TOX: variants seen among roughly 807,000 people sequenced by gnomAD.
The protein encoded by TOX is thymocyte selection associated high mobility group box.
TOX carries 11 observed loss-of-function variants against 53.7 expected under a neutral mutation model. The observed-to-expected ratio is 0.20, with a 90% CI of 0.13 to 0.34. The LOEUF is 0.34. Among genes scored for constraint, TOX ranks in the 10% least tolerant of loss-of-function variants. TOX has a pLI of 1.00. For synonymous variants in TOX, 225 were observed against 245.3 expected (o/e 0.92, Z 0.77); for missense variants, 570 against 664.6 (o/e 0.86, Z 1.56).
chr8:59,009,168 C>T (rs918199035), intron 1 of TOX, among the ~76,000 whole-genome samples: 4 of 146,698 alleles, frequency 2.7e-5, no homozygotes, highest in African/African-American at 1.0e-4. Context: ...TCCTTTATTC[C>T]TTCATCTCTC....
At chr8:59,098,123 A>G (rs759390332) in intron 1 of TOX, among the ~76,000 whole-genome samples, 1 of 152,198 alleles carries the variant, frequency 6.6e-6, no homozygotes, top group Non-Finnish European at 1.5e-5. Context: ...ACCTACAGGA[A>G]CAGCCAAAAA....
intron 3 of TOX, among the ~76,000 whole-genome samples, chr8:58,907,247 T>C (rs1039776321): frequency 1.3e-5 from 2 of 152,200 alleles, no homozygotes; most frequent in African/African-American, 4.8e-5. Flanking sequence ...ATCAAATGTG[T>C]CTTGTCCTTT....
intron 1 of TOX, among the ~76,000 whole-genome samples, chr8:58,978,642 G>A (rs1175346054): frequency 6.6e-6 from 1 of 152,140 alleles, no homozygotes; most frequent in Non-Finnish European, 1.5e-5. Flanking sequence ...AATGTACAGA[G>A]TTCCCATATA....
chr8:59,066,718 C>T (rs1342155802), intron 1 of TOX, among the ~76,000 whole-genome samples: 1 of 152,146 alleles, frequency 6.6e-6, no homozygotes, highest in Non-Finnish European at 1.5e-5. Flanking sequence ...AGTATGAAGG[C>T]CATTTAAACT....
chr8:58,974,410 G>C (rs1346547315), intron 1 of TOX, among the ~76,000 whole-genome samples: 2 of 152,156 alleles, frequency 1.3e-5, no homozygotes, highest in East Asian at 1.9e-4. Flanking sequence ...TTTCACTTAG[G>C]AATAAAGACA....
intron 3 of TOX, among the ~76,000 whole-genome samples, chr8:58,932,383 T>C (rs1374503365): frequency 1.3e-5 from 2 of 152,168 alleles, no homozygotes; most frequent in African/African-American, 4.8e-5. Flanking sequence ...GTGGCAAAAT[T>C]ATTTTTTATG....
intron 1 of TOX, among the ~76,000 whole-genome samples, chr8:58,981,194 C>A (rs192747114): frequency 1.3e-5 from 2 of 152,256 alleles, no homozygotes; most frequent in Admixed American, 1.3e-4. Flanking sequence ...AAATTTCTGG[C>A]TCTGATTAGA....
chr8:59,000,376 A>G lies in TOX; in HGVS notation c.103-40368T>C, dbSNP rs1042739197. Among the ~76,000 whole-genome samples the G allele has an allele frequency of 3.3e-5, 5 of 152,226 alleles. No individual in the cohort carries two copies. In the East Asian group the frequency reaches 9.6e-4, roughly 29 times the overall value. ...GACACTATGGGAATACCCAGTATAT[A>G]TAAAAGAGGTGCTAGAGGCTAGATG... is the stretch of plus-strand genomic sequence containing the variant. On this transcript the variant is annotated intron_variant, in intron 1 of 8. Transcript: ENST00000361421.
chr8:59,062,647 T>C (rs1015307108), intron 1 of TOX, among the ~76,000 whole-genome samples: 1 of 152,190 alleles, frequency 6.6e-6, no homozygotes, highest in Non-Finnish European at 1.5e-5. Context: ...TCTATAGTTG[T>C]TCCCAGTGAC....
intron 2 of TOX, among the ~76,000 whole-genome samples, chr8:58,946,770 C>T (rs982512941): frequency 6.6e-6 from 1 of 152,126 alleles, no homozygotes; most frequent in Non-Finnish European, 1.5e-5. Context: ...GAAGCATTGT[C>T]ATATACCTAC....
intron 3 of TOX, among the ~76,000 whole-genome samples, chr8:58,862,709 T>C (rs1811031762): frequency 6.6e-6 from 1 of 152,126 alleles, no homozygotes; most frequent in Admixed American, 6.6e-5. Context: ...TTTATAAAAG[T>C]TGGAGCCCAG....
At chr8:58,863,030 T>G (rs984779280) in intron 3 of TOX, among the ~76,000 whole-genome samples, 1 of 152,128 alleles carries the variant, frequency 6.6e-6, no homozygotes, top group Non-Finnish European at 1.5e-5. Context: ...ATTTGAATTA[T>G]CTATCATTTA....
intron 7 of TOX, 103 bp from the exon 8 acceptor site, chr8:58,808,372 T>G (rs1445969371): frequency 7.0e-7 from 1 of 1,419,136 alleles, no homozygotes; most frequent in East Asian, 2.5e-5. Context: ...GGCCTCTTGC[T>G]TCTGTCTCTG....
chr8:58,878,872 C>A (rs939091219), intron 3 of TOX, among the ~76,000 whole-genome samples: 1 of 151,748 alleles, frequency 6.6e-6, no homozygotes, highest in Admixed American at 6.6e-5. Flanking sequence ...ACCAGCCCAG[C>A]CAACATGGTG....
intron 2 of TOX, among the ~76,000 whole-genome samples, chr8:58,950,253 T>C (rs1284203237): frequency 2.0e-5 from 3 of 152,164 alleles, no homozygotes; most frequent in Non-Finnish European, 2.9e-5. Flanking sequence ...TATATACATA[T>C]AAAAATACAT....
intron 3 of TOX, among the ~76,000 whole-genome samples, chr8:58,911,245 T>G (rs1284489875): frequency 6.6e-6 from 1 of 152,184 alleles, no homozygotes; most frequent in East Asian, 1.9e-4. Flanking sequence ...TGAGTCACTC[T>G]CAGTTTGGGA....
intron 3 of TOX, among the ~76,000 whole-genome samples, chr8:58,938,529 G>A (rs77245577): frequency 5.3e-5 from 8 of 152,026 alleles, no homozygotes; most frequent in African/African-American, 1.9e-4. Context: ...CACTATTGGG[G>A]TATAGACAGA....
intron 4 of TOX, 48 bp from the exon 5 acceptor site, chr8:58,838,359 G>C: frequency 6.7e-7 from 1 of 1,500,156 alleles, no homozygotes; most frequent in Non-Finnish European, 9.2e-7. Flanking sequence ...AGACAATTTG[G>C]GGACAAGACA....
chr8:59,019,290 A>G (rs935090184), intron 1 of TOX, among the ~76,000 whole-genome samples: 1 of 152,238 alleles, frequency 6.6e-6, no homozygotes, highest in Non-Finnish European at 1.5e-5. Context: ...TGTTTTAAAC[A>G]TGCATTGTTA....
Sources: allele counts gnomAD v4.1 joint callset (sites outside exome capture counted in the v4.1 genomes callset), GRCh38; gene constraint gnomAD v4.1.1; transcripts MANE v1.5; gene names NCBI Gene and HGNC (gene_info 2026-07-23, HGNC 2026-07-21).